REXO2: variants seen among roughly 807,000 people sequenced by gnomAD.
REXO2 encodes the protein oligoribonuclease, mitochondrial.
In REXO2, 17 loss-of-function variants were observed where a neutral mutation model predicts 30.9. That is an observed-to-expected ratio of 0.55 (90% CI 0.38 to 0.82). REXO2 has a LOEUF of 0.82. REXO2 is among the 40% of genes least tolerant of loss of function. REXO2 has a pLI of 0.00. For synonymous variants in REXO2, 105 were observed against 99.6 expected (o/e 1.05, Z -0.32); for missense variants, 253 against 293.2 (o/e 0.86, Z 1.00).
chr11:114,447,696 C>T (rs902181065), intron 5 of REXO2, 130 bp from the exon 6 acceptor site: 2 of 666,424 alleles, frequency 3.0e-6, no homozygotes, highest in African/African-American at 1.8e-5. Flanking sequence ...GATAGAGGCC[C>T]CGGCAAAGAA....
intron 2 of REXO2, chr11:114,441,010 G>A: frequency 6.8e-6 from 2 of 295,018 alleles, no homozygotes; most frequent in South Asian, 6.4e-5. Context: ...CTTACTGTAT[G>A]CCAGCTACAG....
chr11:114,445,674 A>G (rs1222128554), intron 4 of REXO2: 1 of 203,282 alleles, frequency 4.9e-6, no homozygotes, highest in African/African-American at 2.3e-5. Flanking sequence ...CATATCAGGT[A>G]TGACCTTAGA....
At chr11:114,447,978 G>T in intron 6 of REXO2, 99 bp downstream of exon 6, 1 of 904,440 alleles carries the variant, frequency 1.1e-6, no homozygotes, top group Non-Finnish European at 1.7e-6. Flanking sequence ...TTTTTTCTCG[G>T]GGAAAAGATA....
At chr11:114,444,775 A>T (rs1946502218) in intron 4 of REXO2, 123 bp downstream of exon 4, 1 of 480,902 alleles carries the variant, frequency 2.1e-6, no homozygotes, top group African/African-American at 2.0e-5. Flanking sequence ...TGGGTTACAC[A>T]TCTTAACTTT....
chr11:114,444,037 C>A, intron 3 of REXO2, 104 bp downstream of exon 3: 1 of 848,716 alleles, frequency 1.2e-6, no homozygotes, highest in Non-Finnish European at 2.0e-6. Flanking sequence ...TTTAAAAAGG[C>A]TTAGAGAAGA....
chr11:114,439,649 C>T lies in REXO2; in HGVS notation c.121C>T (p.Gln41Ter), dbSNP rs1946461265. 1.3e-6 allele frequency: 2 copies of T among 1,583,388 alleles called. No homozygotes were observed. The highest frequency in any genetic ancestry group is 1.7e-6 in the Non-Finnish European group (2 of 1,167,624). The change falls in exon 1 of 7, where the codon CAG (glutamine) becomes TAG (stop). Residue 41 changes from glutamine to a stop codon, truncating the protein, a stop_gained. Coordinates refer to ENST00000265881, the MANE Select transcript of REXO2 (RefSeq NM_015523.4). LOFTEE classifies it high-confidence loss of function. ...CATGGCGGCAGGGGAGAGCATGGCT[C>T]AGCGGATGGTCTGGGTGGACCTGGA... ...AAMAAGESMA[Q>*]RMVWVDLEMT...
intron 2 of REXO2, 51 bp downstream of exon 2, chr11:114,440,790 A>G (rs374105833): frequency 8.9e-5 from 117 of 1,317,518 alleles, no homozygotes; most frequent in Non-Finnish European, 1.2e-4. Flanking sequence ...CACTGGAAAT[A>G]TAACCATCAT....
Position 114,443,921 on chromosome 11 carries a change from G to C in REXO2, c.297G>C (p.Glu99Asp). The C allele has an allele frequency of 6.2e-7, 1 of 1,607,262 alleles. No individual in the cohort carries two copies. The highest frequency in any genetic ancestry group is 8.5e-7 in the Non-Finnish European group (1 of 1,176,600). ...LLDSMSDWCKEHHGKSGLTKA... is the reference protein window; with the variant it reads ...LLDSMSDWCKDHHGKSGLTKA... ...ACAGCATGTCAGATTGGTGTAAGGA[G>C]CATCACGGGAAGGTAACATTACCAA... The change falls in exon 3 of 7, where the codon GAG (glutamate) becomes GAC (aspartate). Residue 99 changes from glutamate to aspartate, a missense_variant. Coordinates refer to ENST00000265881, the MANE Select transcript of REXO2 (RefSeq NM_015523.4).
At chr11:114,441,934 A>G (rs922902210) in intron 2 of REXO2, 26 of 595,934 alleles carry the variant, frequency 4.4e-5, no homozygotes, top group African/African-American at 4.3e-4. Context: ...CTTGGGATTT[A>G]TTGGAGATCA....
chr11:114,447,507 G>A (rs1219487039), intron 5 of REXO2, among the ~76,000 whole-genome samples: 1 of 152,080 alleles, frequency 6.6e-6, no homozygotes, highest in Non-Finnish European at 1.5e-5. Flanking sequence ...GGTGTGTTTT[G>A]ATGTATGTTG....
chr11:114,440,758 T>A lies in REXO2; in HGVS notation c.231+19T>A. The A allele has an allele frequency of 1.3e-6, 2 of 1,541,952 alleles. No homozygotes were observed. Among genetic ancestry groups the A allele is most frequent in the Non-Finnish European group, 1.8e-6 (2 of 1,118,172 alleles). On this transcript the variant is annotated intron_variant, in intron 2 of 6. Coordinates refer to ENST00000265881, the MANE Select transcript of REXO2 (RefSeq NM_015523.4). Reference sequence around the variant, plus strand: ...GGCTGAAGTACGTGATGCCATGTAATACAGTCATACTTTTTAAAGGGCACT... The same window carrying A: ...GGCTGAAGTACGTGATGCCATGTAAAACAGTCATACTTTTTAAAGGGCACT...
intron 2 of REXO2, among the ~76,000 whole-genome samples, chr11:114,442,129 A>G (rs1946482698): frequency 6.6e-6 from 1 of 151,860 alleles, no homozygotes; most frequent in South Asian, 2.1e-4. Context: ...GCATTTGTAA[A>G]TGGACTAAGT....
chr11:114,447,902 G>A lies in REXO2; in HGVS notation c.584+23G>A, dbSNP rs201219411. On this transcript the variant is annotated intron_variant, in intron 6 of 6. Transcript: ENST00000265881. ...TAGGTAAGTTTGAGTTCTACCAAGC[G>A]TTTTCCAGTCTGACACACACTTAAC... 6.4e-5 allele frequency: 103 copies of A among 1,604,380 alleles called. No individual in the cohort carries two copies. The Middle Eastern group carries it at 9.9e-4, about 15-fold the overall frequency.
chr11:114,441,951 A>G, intron 2 of REXO2: 1 of 578,298 alleles, frequency 1.7e-6, no homozygotes, highest in Non-Finnish European at 3.1e-6. Flanking sequence ...ATCAATAGTG[A>G]AGAGAAGTGT....
chr11:114,443,853 C>CA lies in REXO2; in HGVS notation c.232-2dup. ...GGTGACTGATGGCGTTTCCCATCCA[C>CA]AGGGTCCTAACCTGATTATAAAACA... On this transcript the variant is annotated splice_polypyrimidine_tract_variant and splice_region_variant and intron_variant, in intron 2 of 6. Transcript: ENST00000265881. 1 of 1,602,830 alleles carries CA rather than the reference C, an allele frequency of 6.2e-7. No homozygotes were observed. The highest frequency in any genetic ancestry group is 8.5e-7 in the Non-Finnish European group (1 of 1,173,944).
intron 6 of REXO2, among the ~76,000 whole-genome samples, chr11:114,448,510 C>T (rs933020492): frequency 6.6e-6 from 1 of 152,032 alleles, no homozygotes; most frequent in Admixed American, 6.5e-5. Context: ...AAGACCAATC[C>T]CTAAAGAGTC....
Position 114,447,819 on chromosome 11 carries a change from TGTATAGACGCTG to T in REXO2, c.531-2_540del. ...TCCTTTGAGAGTTCCATTTCTGCTG[TGTATAGACGCTG>T]GTATCCAGAAGAATATGAATTTGCA... On this transcript the variant is annotated splice_acceptor_variant and splice_polypyrimidine_tract_variant and coding_sequence_variant and intron_variant, in exon 6 of 7. Transcript: ENST00000265881. LOFTEE classifies it high-confidence loss of function. 6.2e-7 allele frequency: 1 copy of T among 1,611,870 alleles called. No individual in the cohort carries two copies. The highest frequency in any genetic ancestry group is 8.5e-7 in the Non-Finnish European group (1 of 1,179,076).
rs556577140 is a variant in REXO2 at position 114,444,470 on chromosome 11, C to T, written c.310-71C>T. 77 of 1,104,826 alleles carry T rather than the reference C, an allele frequency of 7.0e-5. No homozygotes were observed. The African/African-American group carries it at 1.1e-3, about 15-fold the overall frequency. The allele number at this position is 1,104,826 out of a possible 1,614,324, so 68.4% of individuals were successfully genotyped here. Reference sequence around the variant, plus strand: ...TTTGCCCATTTTAAAAGTGAAATTTCATTTCTGGATGCCTTTGAAAACTGA... The same window carrying T: ...TTTGCCCATTTTAAAAGTGAAATTTTATTTCTGGATGCCTTTGAAAACTGA... On this transcript the variant is annotated intron_variant, in intron 3 of 6. Coordinates refer to ENST00000265881, the MANE Select transcript of REXO2 (RefSeq NM_015523.4).
intron 6 of REXO2, 112 bp downstream of exon 6, chr11:114,447,991 G>A (rs1390543035): frequency 2.5e-6 from 2 of 785,342 alleles, no homozygotes; most frequent in African/African-American, 3.5e-5. Flanking sequence ...AAAAGATAAA[G>A]TTCAACTAGC....
Sources: gnomAD v4.1 joint callset for allele counts (sites outside exome capture counted in the v4.1 genomes callset) on GRCh38, gnomAD v4.1.1 for gene constraint, MANE v1.5 for transcripts, NCBI Gene and HGNC (gene_info 2026-07-23, HGNC 2026-07-21) for gene names.